Variants in ZNF804B observed in about 807,000 individuals in gnomAD.
The protein encoded by ZNF804B is zinc finger 804B.
ZNF804B carries 80 observed loss-of-function variants against 101.4 expected under a neutral mutation model. That is an observed-to-expected ratio of 0.79 (90% confidence interval 0.66 to 0.95). The LOEUF (loss-of-function observed/expected upper bound fraction) is 0.95, where lower values mean the gene tolerates loss of function less well. ZNF804B is among the 40% of genes least tolerant of loss of function. The pLI, the probability that ZNF804B is intolerant of heterozygous loss-of-function variation, is 0.00. For missense variants in ZNF804B, 1,673 were observed against 1,561.9 expected (o/e 1.07, Z -1.20); for synonymous variants, 622 against 558.8 (o/e 1.11, Z -1.59).
intron 1 of ZNF804B, among the ~76,000 whole-genome samples, chr7:89,115,344 A>G (rs73216699): frequency 0.063 from 9,548 of 152,322 alleles, 411 homozygotes; most frequent in Non-Finnish European, 0.088. Flanking sequence ...GAAAACATCT[A>G]CAACAAGTGT....
chr7:89,085,759 T>G (rs1789789756), intron 1 of ZNF804B, among the ~76,000 whole-genome samples: 1 of 151,960 alleles, frequency 6.6e-6, no homozygotes, highest in Middle Eastern at 3.2e-3. Context: ...CTAATGGATT[T>G]TACTTGTCAC....
At chr7:89,281,029 C>T (rs1790086205) in intron 2 of ZNF804B, among the ~76,000 whole-genome samples, 1 of 152,126 alleles carries the variant, frequency 6.6e-6, no homozygotes. Flanking sequence ...CATTCTTTCA[C>T]TTCATGATTG....
chr7:88,788,627 C>T (rs1790336978), intron 1 of ZNF804B, among the ~76,000 whole-genome samples: 2 of 152,186 alleles, frequency 1.3e-5, no homozygotes, highest in Middle Eastern at 3.4e-3. Context: ...GAAACACTGG[C>T]CTTGTCTTTT....
At chr7:88,842,696 A>G (rs1337857202) in intron 1 of ZNF804B, among the ~76,000 whole-genome samples, 1 of 152,224 alleles carries the variant, frequency 6.6e-6, no homozygotes, top group Non-Finnish European at 1.5e-5. Flanking sequence ...CTTAGAAGAA[A>G]TAGTTCAGAT....
chr7:89,086,784 A>C (rs1049117150), intron 1 of ZNF804B, among the ~76,000 whole-genome samples: 4 of 151,944 alleles, frequency 2.6e-5, no homozygotes, highest in Non-Finnish European at 5.9e-5. Flanking sequence ...TTTTTATAAT[A>C]AATTAATTCT....
chr7:89,141,723 A>G (rs1319921108), intron 1 of ZNF804B, among the ~76,000 whole-genome samples: 1 of 151,938 alleles, frequency 6.6e-6, no homozygotes, highest in African/African-American at 2.4e-5. Flanking sequence ...GCCAACACTC[A>G]TCTTCTGTTT....
chr7:89,115,251 G>A lies in ZNF804B; in HGVS notation c.109-102904G>A, dbSNP rs1034205579. ...CATTACCTCTGTCATCCACTCAACA[G>A]TATATTTGAATTCAAGACATTCCAA... On this transcript the variant is annotated intron_variant, in intron 1 of 3. Coordinates refer to ENST00000333190, the MANE Select transcript of ZNF804B (RefSeq NM_181646.5). Among the ~76,000 whole-genome samples the A allele has an allele frequency of 3.3e-5, 5 of 152,304 alleles. 1 individual carries two copies. Among genetic ancestry groups the A allele is most frequent in the South Asian group, 4.1e-4 (2 of 4,824 alleles).
chr7:88,956,584 C>A (rs1793313012), intron 1 of ZNF804B, among the ~76,000 whole-genome samples: 1 of 150,876 alleles, frequency 6.6e-6, no homozygotes, highest in Non-Finnish European at 1.5e-5. Context: ...AAATGTCTGC[C>A]ATCTAAACTT....
chr7:88,972,419 A>C (rs2116114346), intron 1 of ZNF804B, among the ~76,000 whole-genome samples: 1 of 151,522 alleles, frequency 6.6e-6, no homozygotes, highest in Non-Finnish European at 1.5e-5. Context: ...CTAAATGGCC[A>C]GCTTTCCAAG....
intron 1 of ZNF804B, among the ~76,000 whole-genome samples, chr7:89,123,435 G>A (rs927940758): frequency 6.6e-6 from 1 of 152,080 alleles, no homozygotes; most frequent in Admixed American, 6.6e-5. Flanking sequence ...GTGATACACT[G>A]TAAATCGATA....
At chr7:89,045,711 G>A (rs2116256014) in intron 1 of ZNF804B, among the ~76,000 whole-genome samples, 1 of 152,248 alleles carries the variant, frequency 6.6e-6, no homozygotes, top group East Asian at 1.9e-4. Context: ...TTTGGAACTG[G>A]TGTATTTACC....
At chr7:88,801,356 C>T (rs936412136) in intron 1 of ZNF804B, among the ~76,000 whole-genome samples, 1 of 151,648 alleles carries the variant, frequency 6.6e-6, no homozygotes, top group Non-Finnish European at 1.5e-5. Flanking sequence ...CTATGCCACG[C>T]TCAGAAGTTT....
At chr7:89,000,543 T>C (rs1788268452) in intron 1 of ZNF804B, among the ~76,000 whole-genome samples, 1 of 151,954 alleles carries the variant, frequency 6.6e-6, no homozygotes, top group Non-Finnish European at 1.5e-5. Context: ...ATCAAATTAG[T>C]TTACATGTTT....
At chr7:88,904,752 G>T (rs1323236730) in intron 1 of ZNF804B, among the ~76,000 whole-genome samples, 3 of 152,034 alleles carry the variant, frequency 2.0e-5, no homozygotes, top group Admixed American at 6.6e-5. Flanking sequence ...TCTCAGCCTG[G>T]ATATTATTGG....
intron 1 of ZNF804B, among the ~76,000 whole-genome samples, chr7:88,767,985 A>G (rs1790009361): frequency 6.6e-6 from 1 of 152,162 alleles, no homozygotes; most frequent in Non-Finnish European, 1.5e-5. Context: ...CTGCCATTAC[A>G]TCCATCAATT....
intron 1 of ZNF804B, among the ~76,000 whole-genome samples, chr7:89,020,133 T>G (rs574769114): frequency 6.6e-6 from 1 of 152,258 alleles, no homozygotes; most frequent in East Asian, 1.9e-4. Context: ...TTCTTTTTTG[T>G]ACATAAGCAA....
intron 1 of ZNF804B, among the ~76,000 whole-genome samples, chr7:89,084,410 G>A (rs923826610): frequency 1.2e-4 from 18 of 151,888 alleles, no homozygotes; most frequent in Non-Finnish European, 1.9e-4. Context: ...GGTTTAAGCA[G>A]AAGTCTACAG....
chr7:89,094,044 A>G (rs1789934815), intron 1 of ZNF804B, among the ~76,000 whole-genome samples: 1 of 152,238 alleles, frequency 6.6e-6, no homozygotes, highest in East Asian at 1.9e-4. Flanking sequence ...ATATACAAAT[A>G]GAAAGATTTT....
intron 2 of ZNF804B, among the ~76,000 whole-genome samples, chr7:89,291,672 C>T (rs1330165000): frequency 6.6e-6 from 1 of 151,942 alleles, no homozygotes; most frequent in East Asian, 1.9e-4. Context: ...AGTGATTGGA[C>T]TTAAAGAGGA....
Sources: allele counts gnomAD v4.1 joint callset (sites outside exome capture counted in the v4.1 genomes callset), GRCh38; gene constraint gnomAD v4.1.1; transcripts MANE v1.5; gene names NCBI Gene and HGNC (gene_info 2026-07-23, HGNC 2026-07-21).